The following TRIOBP variants were observed in gnomAD, a reference collection of about 807,000 sequenced individuals.
TRIOBP encodes TRIO and F-actin binding protein.
Under a neutral mutation model 238.8 loss-of-function variants are expected in TRIOBP, and 169 were observed. The ratio of observed to expected loss-of-function variants is 0.71; its 90% confidence interval spans 0.62 to 0.80. The LOEUF is 0.80. Among genes scored for constraint, TRIOBP ranks in the 30% least tolerant of loss-of-function variants. The pLI is 0.00. For missense variants in TRIOBP, 2,838 were observed against 3,122.6 expected (o/e 0.91, Z 2.17); for synonymous variants, 1,150 against 1,274.4 (o/e 0.90, Z 2.08).
intron 3 of TRIOBP, 48 bp from the exon 4 acceptor site, chr22:37,710,379 G>A (rs1413370052): frequency 1.2e-6 from 2 of 1,609,236 alleles, no homozygotes; most frequent in Admixed American, 3.3e-5. Flanking sequence ...GGGGAGGGGA[G>A]CCCCCACGTG....
chr22:37,733,926 C>T (rs1382720918), intron 8 of TRIOBP, among the ~76,000 whole-genome samples: 1 of 152,234 alleles, frequency 6.6e-6, no homozygotes, highest in Non-Finnish European at 1.5e-5. Context: ...CTTGGCCTCC[C>T]AAGGTGCTGG....
chr22:37,771,839 C>A, intron 22 of TRIOBP, 103 bp downstream of exon 22: 2 of 992,792 alleles, frequency 2.0e-6, no homozygotes, highest in Non-Finnish European at 3.2e-6. Context: ...TCGCTTCATC[C>A]TTCCTCAGGC....
At chr22:37,768,299 G>C in intron 19 of TRIOBP, 123 bp downstream of exon 19, 1 of 815,296 alleles carries the variant, frequency 1.2e-6, no homozygotes, top group Non-Finnish European at 2.1e-6. Flanking sequence ...CCAGTCTCAT[G>C]GATGCAAGAA....
At chr22:37,770,268 T>A (rs1400396957) in intron 21 of TRIOBP, among the ~76,000 whole-genome samples, 1 of 148,112 alleles carries the variant, frequency 6.8e-6, no homozygotes, top group Non-Finnish European at 1.5e-5. Flanking sequence ...AAACCCCGTC[T>A]CTACTAAAAA....
chr22:37,720,459 A>G (rs571327049), intron 6 of TRIOBP, among the ~76,000 whole-genome samples: 30 of 151,994 alleles, frequency 2.0e-4, no homozygotes, highest in African/African-American at 7.0e-4. Flanking sequence ...GTCTCCTCCA[A>G]TCTGTGACAG....
At position 37,738,690 on chromosome 22, in the gene TRIOBP, C is replaced by T. The variant is rs1039580539; in HGVS notation, c.5155C>T (p.Pro1719Ser). ...EESEPSRGQD[P>S]LTDQKQADSA... Reference sequence around the variant, plus strand: ...GTCAGAACCAAGCAGAGGCCAAGACCCCCTGACTGACCAGAAGCAGGCAGA... The same window carrying T: ...GTCAGAACCAAGCAGAGGCCAAGACTCCCTGACTGACCAGAAGCAGGCAGA... Residue 1719 changes from proline (P) to serine (S), a missense_variant, in exon 10 of 24, where the codon CCC becomes TCC. Pro to Ser is a moderately conservative substitution (Grantham distance 74). This residue lies in a region of TRIOBP where 2,096 missense variants were observed against 2,137.4 expected (regional missense o/e 0.98). Transcript: ENST00000644935. 3 of 1,613,810 alleles carry T rather than the reference C, an allele frequency of 1.9e-6. No homozygotes were observed. Among genetic ancestry groups the T allele is most frequent in the Admixed American group, 1.7e-5 (1 of 59,974 alleles).
chr22:37,712,240 T>C (rs1249762954), intron 4 of TRIOBP, among the ~76,000 whole-genome samples: 1 of 152,022 alleles, frequency 6.6e-6, no homozygotes, highest in African/African-American at 2.4e-5. Context: ...CAAGCTGGAG[T>C]GCAATGACAC....
intron 9 of TRIOBP, among the ~76,000 whole-genome samples, chr22:37,736,004 A>G (rs1924651394): frequency 6.6e-6 from 1 of 152,220 alleles, no homozygotes. Flanking sequence ...TCTGGCCCCT[A>G]CAGCTCCTCT....
Position 37,723,659 on chromosome 22 carries a change from T to C in TRIOBP, c.1103T>C (p.Phe368Ser), listed in dbSNP as rs1923949811. ...STQQDNPQTS[F>S]PTCTPQRENP... is the part of the protein sequence containing the mutation. ...CAGCAGGACAACCCCCAAACTTCTT[T>C]TCCTACTTGTACTCCCCAGCGGGAA... Residue 368 changes from phenylalanine (F) to serine (S), a missense_variant, in exon 7 of 24, where the codon TTT (phenylalanine) becomes TCT (serine). Transcript: ENST00000644935. The C allele has an allele frequency of 6.2e-7, 1 of 1,613,352 alleles. No homozygotes were observed. Among genetic ancestry groups the C allele is most frequent in the Admixed American group, 1.7e-5 (1 of 59,944 alleles).
rs781452420 is a variant in TRIOBP at position 37,710,415 on chromosome 22, A to T, written c.115-12A>T. On this transcript the variant is annotated splice_polypyrimidine_tract_variant and intron_variant, in intron 3 of 23. Coordinates refer to ENST00000644935, the MANE Select transcript of TRIOBP (RefSeq NM_001039141.3). ...GGCGCTGAGCTGTCTCCTCTCTCCAACCCTGGCCCAGGAGCTCAGGAGCCC... is the reference window on the plus strand; with the variant it reads ...GGCGCTGAGCTGTCTCCTCTCTCCATCCCTGGCCCAGGAGCTCAGGAGCCC... 1 of 1,612,956 alleles carries T rather than the reference A, an allele frequency of 6.2e-7. No homozygotes were observed. Among genetic ancestry groups the T allele is most frequent in the Non-Finnish European group, 8.5e-7 (1 of 1,179,970 alleles).
At chr22:37,752,127 G>A (rs1019481490) in intron 12 of TRIOBP, among the ~76,000 whole-genome samples, 2 of 152,154 alleles carry the variant, frequency 1.3e-5, no homozygotes, top group African/African-American at 4.8e-5. Flanking sequence ...GTCTTGGGTG[G>A]AAGGGCTCGT....
intron 22 of TRIOBP, among the ~76,000 whole-genome samples, 193 bp from the exon 23 acceptor site, chr22:37,772,408 C>G (rs565795706): frequency 6.6e-6 from 1 of 152,078 alleles, no homozygotes; most frequent in Non-Finnish European, 1.5e-5. Context: ...ATGACAATGA[C>G]GCCTGTGTCC....
chr22:37,722,446 G>T (rs1296594063), intron 6 of TRIOBP, among the ~76,000 whole-genome samples: 2 of 149,580 alleles, frequency 1.3e-5, no homozygotes, highest in Admixed American at 6.7e-5. Flanking sequence ...AAAAAAAAAG[G>T]TCGGGCATGG....
chr22:37,699,741 A>G (rs866245149), intron 2 of TRIOBP, among the ~76,000 whole-genome samples: 3 of 152,040 alleles, frequency 2.0e-5, no homozygotes, highest in African/African-American at 7.2e-5. Flanking sequence ...GGGTTTGGCA[A>G]TATTGGCCAG....
chr22:37,771,609 T>C, intron 21 of TRIOBP, 41 bp from the exon 22 acceptor site: 3 of 1,584,850 alleles, frequency 1.9e-6, no homozygotes, highest in Non-Finnish European at 2.6e-6. Context: ...AGGGTAGCTC[T>C]GGCTTCTGGC....
rs1444393938 is a variant in TRIOBP, at chr22:37,726,053, T to C, written c.3497T>C (p.Ile1166Thr). 19 of 1,610,586 alleles carry C rather than the reference T, an allele frequency of 1.2e-5. No homozygotes were observed. In the Admixed American group the frequency reaches 2.5e-4, roughly 21 times the overall value. ...CCCCACATCCCCACCCCTGTGTGCATTGGGCACCGGGATGCACCCTCCTTC... is the reference window on the plus strand; with the variant it reads ...CCCCACATCCCCACCCCTGTGTGCACTGGGCACCGGGATGCACCCTCCTTC... ...ECPHIPTPVC[I>T]GHRDAPSFSS... Residue 1166 changes from isoleucine (I) to threonine (T), a missense_variant, in exon 7 of 24, where the codon ATT (isoleucine) becomes ACT (threonine). This residue lies in a region of TRIOBP where 2,096 missense variants were observed against 2,137.4 expected (regional missense o/e 0.98). Coordinates refer to ENST00000644935, the MANE Select transcript of TRIOBP (RefSeq NM_001039141.3).
At chr22:37,701,827 G>A (rs1390809041) in intron 3 of TRIOBP, among the ~76,000 whole-genome samples, 3 of 152,186 alleles carry the variant, frequency 2.0e-5, no homozygotes, top group Non-Finnish European at 4.4e-5. Context: ...AAGAAGAAGA[G>A]GTTAAGAAGA....
chr22:37,708,892 G>T (rs1350122973), intron 3 of TRIOBP, among the ~76,000 whole-genome samples: 1 of 152,200 alleles, frequency 6.6e-6, no homozygotes, highest in East Asian at 1.9e-4. Context: ...GTGTGGGGTG[G>T]TGACGGGGGC....
intron 12 of TRIOBP, among the ~76,000 whole-genome samples, chr22:37,752,098 G>T (rs1235555867): frequency 6.6e-6 from 1 of 152,176 alleles, no homozygotes; most frequent in Admixed American, 6.5e-5. Flanking sequence ...CTCAGTAGGA[G>T]CCTGGGTGGG....
Sources: gnomAD v4.1 joint callset for allele counts (sites outside exome capture counted in the v4.1 genomes callset) on GRCh38, gnomAD v4.1.1 for gene constraint, gnomAD v4.1.1 regional missense constraint, MANE v1.5 for transcripts, NCBI Gene and HGNC (gene_info 2026-07-23, HGNC 2026-07-21) for gene names.